SPHK2: variants seen among roughly 807,000 people sequenced by gnomAD.
SPHK2 encodes sphingosine kinase 2.
SPHK2 carries 18 observed loss-of-function variants against 32.3 expected under a neutral mutation model. The observed-to-expected ratio is 0.56, with a 90% CI of 0.39 to 0.83. The LOEUF is 0.83. SPHK2 is among the 40% of genes least tolerant of loss of function. The pLI is 0.00. For missense variants in SPHK2, 850 were observed against 908.7 expected (o/e 0.94, Z 0.83); for synonymous variants, 462 against 417.6 (o/e 1.11, Z -1.30).
chr19:48,629,263 C>T lies in SPHK2; in HGVS notation c.1455C>T (p.Pro485=), dbSNP rs576196849. The T allele has an allele frequency of 8.7e-5, 141 of 1,613,702 alleles. No individual in the cohort carries two copies. The South Asian group carries it at 1.2e-3, about 14-fold the overall frequency. The change falls in exon 7 of 7, where the codon CCC becomes CCT. Residue 485 remains proline (P), a synonymous_variant. Transcript: ENST00000245222. ...PGSPKAALHS[P]VSEGAPVIPP... ...CTCCCAAGGCAGCTCTACACTCACC[C>T]GTCTCCGAAGGGGCCCCCGTAATTC...
At chr19:48,620,632 A>AG (rs1366834078) in intron 2 of SPHK2, 79 bp downstream of exon 2, 1 of 1,375,842 alleles carries the variant, frequency 7.3e-7, no homozygotes, top group East Asian at 2.5e-5. Context: ...AAAAAAAAAA[A>AG]AAAATTGGAG....
At chr19:48,620,660 A>G (rs972297175) in intron 2 of SPHK2, 107 bp downstream of exon 2, 21 of 992,824 alleles carry the variant, frequency 2.1e-5, no homozygotes, top group Non-Finnish European at 2.8e-5. Context: ...GTGGTAGCTC[A>G]AGCTTGTAAT....
intron 3 of SPHK2, 83 bp from the exon 4 acceptor site, chr19:48,627,609 C>T: frequency 6.8e-7 from 1 of 1,474,822 alleles, no homozygotes. Context: ...TCCACCAATT[C>T]CGTTGGGGGC....
At chr19:48,620,872 C>T (rs1350029589) in intron 2 of SPHK2, 2 of 235,952 alleles carry the variant, frequency 8.5e-6, no homozygotes, top group South Asian at 1.1e-4. Context: ...TGCAGTGAGC[C>T]GAGATCGCGC....
In SPHK2 at chr19:48,629,599, T is replaced by C. The variant is rs1485196478; in HGVS notation, c.1791T>C (p.Cys597=). The C allele has an allele frequency of 6.3e-7, 1 of 1,599,504 alleles. No homozygotes were observed. Among genetic ancestry groups the C allele is most frequent in the East Asian group, 2.3e-5 (1 of 44,138 alleles). Reference sequence around the variant, plus strand: ...GTGGTAGCCACTTCAGCCTGGGCTGTCCGCAGCTGGGCTACGCCGCGGCCC... The same window carrying C: ...GTGGTAGCCACTTCAGCCTGGGCTGCCCGCAGCTGGGCTACGCCGCGGCCC... The part of the protein sequence containing the change: ...MERGSHFSLG[C]PQLGYAAARA... Residue 597 remains cysteine (C), a synonymous_variant, in exon 7 of 7, where the codon TGT becomes TGC. Coordinates refer to ENST00000245222, the MANE Select transcript of SPHK2 (RefSeq NM_020126.5).
In SPHK2 at chr19:48,628,708, G is replaced by T. The variant is rs1173036288; in HGVS notation, c.900G>T (p.Leu300=). The change falls in exon 7 of 7, where the codon CTG becomes CTT. Residue 300 remains leucine, a synonymous_variant. Coordinates refer to ENST00000245222, the MANE Select transcript of SPHK2 (RefSeq NM_020126.5). This position sits in a 1 kb window ranked among gnomAD's most constrained non-coding sequence, Gnocchi z 5.2. ...TTGAGCCAGCCCTGGGCCTCGACCTGTTGCTCAACTGCTCACTGTTGCTGT... is the reference window on the plus strand; with the variant it reads ...TTGAGCCAGCCCTGGGCCTCGACCTTTTGCTCAACTGCTCACTGTTGCTGT... ...GGFEPALGLD[L]LLNCSLLLCR... The T allele has an allele frequency of 1.2e-6, 2 of 1,612,538 alleles. No homozygotes were observed. Among genetic ancestry groups the T allele is most frequent in the Non-Finnish European group, 1.7e-6 (2 of 1,180,008 alleles).
intron 3 of SPHK2, 75 bp downstream of exon 3, chr19:48,626,437 G>A (rs2029904959): frequency 4.8e-6 from 7 of 1,447,608 alleles, no homozygotes; most frequent in Non-Finnish European, 6.3e-6. Context: ...AGGCAGCTGT[G>A]TCTTTATTTT....
chr19:48,628,595 A>G lies in SPHK2; in HGVS notation c.873-86A>G, dbSNP rs2030216114. Reference sequence around the variant, plus strand: ...CCTGGGCCATGGCCTTCGTGGTCTCATTGCCAGCTGCTTTCCTACCTGTCT... The same window carrying G: ...CCTGGGCCATGGCCTTCGTGGTCTCGTTGCCAGCTGCTTTCCTACCTGTCT... On this transcript the variant is annotated intron_variant, in intron 6 of 6. Transcript: ENST00000245222. This position sits in a 1 kb window ranked among gnomAD's most constrained non-coding sequence, Gnocchi z 5.2. 1.9e-6 allele frequency: 3 copies of G among 1,540,382 alleles called. No individual in the cohort carries two copies. The highest frequency in any genetic ancestry group is 2.7e-6 in the Non-Finnish European group (3 of 1,131,976).
rs2030476790 is a variant in SPHK2 at position 48,630,128 on chromosome 19, C to T, written c.*355C>T. 2.4e-6 allele frequency: 3 copies of T among 1,257,270 alleles called. No homozygotes were observed. The highest frequency in any genetic ancestry group is 3.0e-6 in the Non-Finnish European group (3 of 999,570). 77.9% of individuals were successfully genotyped at this position (1,257,270 alleles called of 1,614,324 possible). A position where few individuals can be genotyped will look rare whatever the true frequency, so the allele number is the denominator to read the frequency against. ...TTTTACGCGTCGCCCAATGACAGGACCTGGAATGTACTGGCTGGGGTAGGC... is the reference window on the plus strand; with the variant it reads ...TTTTACGCGTCGCCCAATGACAGGATCTGGAATGTACTGGCTGGGGTAGGC... On this transcript the variant is annotated 3_prime_UTR_variant, in exon 7 of 7. Coordinates refer to ENST00000245222, the MANE Select transcript of SPHK2 (RefSeq NM_020126.5). This position sits in a 1 kb window ranked among gnomAD's most constrained non-coding sequence, Gnocchi z 4.9.
At position 48,629,538 on chromosome 19, in the gene SPHK2, G is replaced by A. The variant is rs2030379044; in HGVS notation, c.1730G>A (p.Arg577Gln). The change falls in exon 7 of 7, where the codon CGG (arginine) becomes CAG (glutamine). Residue 577 changes from arginine (R) to glutamine (Q), a missense_variant. Physicochemically the swap from Arg to Gln is conservative, Grantham distance 43. Transcript: ENST00000245222. ...HLCWVRSGIS[R>Q]AALLRLFLAM... Reference sequence around the variant, plus strand: ...TGCTGGGTGCGTAGCGGCATCTCGCGGGCTGCGCTGCTGCGCCTTTTCTTG... The same window carrying A: ...TGCTGGGTGCGTAGCGGCATCTCGCAGGCTGCGCTGCTGCGCCTTTTCTTG... 6.2e-7 allele frequency: 1 copy of A among 1,604,004 alleles called. No individual in the cohort carries two copies. Among genetic ancestry groups the A allele is most frequent in the African/African-American group, 1.3e-5 (1 of 74,922 alleles).
chr19:48,628,485 G>C lies in SPHK2; in HGVS notation c.873-196G>C. On this transcript the variant is annotated intron_variant, in intron 6 of 6. Transcript: ENST00000245222. The surrounding 1 kb of genome is among the most constrained non-coding windows in gnomAD (Gnocchi z 5.2). The stretch of plus-strand genomic sequence containing the variant: ...CTCTGCCTGGCATGGGAGGCACTCA[G>C]TGAATTGTAGGGAGCAAATGAAAGA... 1.1e-6 allele frequency: 1 copy of C among 894,398 alleles called. No homozygotes were observed. 55.4% of individuals were successfully genotyped at this position (894,398 alleles called of 1,614,324 possible).
At chr19:48,626,570 T>C in intron 3 of SPHK2, 4 of 613,636 alleles carry the variant, frequency 6.5e-6, no homozygotes. Flanking sequence ...ATCCTAGCAA[T>C]TTGGGAGGCT....
chr19:48,623,627 T>C (rs1974492844), intron 2 of SPHK2, among the ~76,000 whole-genome samples: 1 of 152,198 alleles, frequency 6.6e-6, no homozygotes. Context: ...CCCATCTCTC[T>C]GTCTCTGTCT....
In SPHK2 at chr19:48,628,108, G is replaced by C. The variant is rs764574964; in HGVS notation, c.756+39G>C. ...ACCCTGCCCCTAGCCCTGGGCCCTG[G>C]GGGACTATAGAGACTGCCACCAGGA... On this transcript the variant is annotated intron_variant, in intron 5 of 6. Coordinates refer to ENST00000245222, the MANE Select transcript of SPHK2 (RefSeq NM_020126.5). The surrounding 1 kb of genome is among the most constrained non-coding windows in gnomAD (Gnocchi z 5.2). 6.3e-7 allele frequency: 1 copy of C among 1,583,804 alleles called. No homozygotes were observed. The highest frequency in any genetic ancestry group is 1.8e-5 in the Admixed American group (1 of 56,572).
rs749173328 is a variant in SPHK2, at chr19:48,629,257, C to G, written c.1449C>G (p.His483Gln). 1.2e-6 allele frequency: 2 copies of G among 1,613,722 alleles called. No homozygotes were observed. The highest frequency in any genetic ancestry group is 1.7e-5 in the Admixed American group (1 of 60,032). Residue 483 changes from histidine to glutamine, a missense_variant, in exon 7 of 7, where the codon CAC (histidine) becomes CAG (glutamine). His to Gln is a conservative substitution (Grantham distance 24, BLOSUM62 0). Transcript: ENST00000245222. The part of the protein sequence containing the change: ...SPPGSPKAAL[H>Q]SPVSEGAPVI... The stretch of plus-strand genomic sequence containing the variant: ...CTGGCTCTCCCAAGGCAGCTCTACA[C>G]TCACCCGTCTCCGAAGGGGCCCCCG...
chr19:48,622,151 C>T (rs1346395309), intron 2 of SPHK2, among the ~76,000 whole-genome samples: 1 of 151,224 alleles, frequency 6.6e-6, no homozygotes, highest in Non-Finnish European at 1.5e-5. Context: ...CAGCTACACA[C>T]GGGAGGCTGA....
chr19:48,622,724 G>T (rs1974452513), intron 2 of SPHK2, among the ~76,000 whole-genome samples: 1 of 150,032 alleles, frequency 6.7e-6, no homozygotes, highest in South Asian at 2.1e-4. Context: ...ACATGATTTG[G>T]CAATAAGCAA....
In SPHK2 at chr19:48,629,278, C is replaced by A. The variant is rs1365965022; in HGVS notation, c.1470C>A (p.Ala490=). The A allele has an allele frequency of 6.2e-7, 1 of 1,613,616 alleles. No individual in the cohort carries two copies. Among genetic ancestry groups the A allele is most frequent in the Non-Finnish European group, 8.5e-7 (1 of 1,179,970 alleles). ...TACACTCACCCGTCTCCGAAGGGGCCCCCGTAATTCCCCCATCCTCTGGGC... is the reference window on the plus strand; with the variant it reads ...TACACTCACCCGTCTCCGAAGGGGCACCCGTAATTCCCCCATCCTCTGGGC... ...AALHSPVSEG[A]PVIPPSSGLP... Residue 490 remains alanine, a synonymous_variant, in exon 7 of 7, where the codon GCC becomes GCA. Coordinates refer to ENST00000245222, the MANE Select transcript of SPHK2 (RefSeq NM_020126.5).
chr19:48,620,559 G>A lies in SPHK2; in HGVS notation c.39+6G>A, dbSNP rs763891934. ...CAGAGGAGCAGCAGGACCAGGTAAG[G>A]GACCATCTAAAAGCCAAGATCCTCA... On this transcript the variant is annotated splice_donor_region_variant and intron_variant, in intron 2 of 6. Transcript: ENST00000245222. 3 of 1,611,110 alleles carry A rather than the reference G, an allele frequency of 1.9e-6. No homozygotes were observed. The East Asian group carries it at 6.7e-5, about 36-fold the overall frequency.
Sources: gnomAD v4.1 joint callset for allele counts (sites outside exome capture counted in the v4.1 genomes callset) on GRCh38, gnomAD v4.1.1 for gene constraint, Gnocchi (gnomAD v3.1) non-coding constraint, MANE v1.5 for transcripts, NCBI Gene and HGNC (gene_info 2026-07-23, HGNC 2026-07-21) for gene names.